ARMC3: variants seen among roughly 807,000 people sequenced by gnomAD.
The protein encoded by ARMC3 is armadillo repeat containing 3, also known as armadillo repeat-containing protein 3.
A neutral mutation model predicts 90.3 loss-of-function variants in ARMC3; 74 were observed. The ratio of observed to expected loss-of-function variants is 0.82; its 90% CI spans 0.68 to 0.99. The LOEUF (loss-of-function observed/expected upper bound fraction) is 0.99, where lower values mean the gene tolerates loss of function less well. Ranked by LOEUF, ARMC3 falls within the 50% of genes least tolerant of loss-of-function variation. ARMC3 has a pLI of 0.00. For synonymous variants in ARMC3, 334 were observed against 361.8 expected (o/e 0.92, Z 0.87); for missense variants, 958 against 1,042.8 (o/e 0.92, Z 1.12).
chr10:22,981,849 CAG>C, intron 10 of ARMC3, 149 bp downstream of exon 10: 1 of 677,688 alleles, frequency 1.5e-6, no homozygotes, highest in Non-Finnish European at 2.4e-6. Flanking sequence ...CCTTATGAAA[CAG>C]AATCATCAGA....
chr10:23,027,615 G>A (rs1838763519), intron 16 of ARMC3, among the ~76,000 whole-genome samples: 1 of 152,152 alleles, frequency 6.6e-6, no homozygotes, highest in East Asian at 1.9e-4. Context: ...ATGTATCTGA[G>A]AGTAGATTTC....
At position 23,032,984 on chromosome 10, in the gene ARMC3, CA is replaced by C. The variant is rs762392615; in HGVS notation, c.2376del (p.Gly793GlufsTer23). The stretch of plus-strand genomic sequence containing the variant: ...CCAATGTTATACCGATTGGACATGT[CA>C]AAAAAGGAATCTTCTACCATCGAGC... ...KSNVIPIGHV[K>X]KGIFYHRALL... On this transcript the variant is annotated frameshift_variant, in exon 18 of 19. Transcript: ENST00000298032. LOFTEE classifies it low-confidence loss of function (END_TRUNC). 3.1e-6 allele frequency: 5 copies of C among 1,612,228 alleles called. No homozygotes were observed. The highest frequency in any genetic ancestry group is 2.5e-6 in the Non-Finnish European group (3 of 1,179,206).
intron 16 of ARMC3, among the ~76,000 whole-genome samples, chr10:23,017,748 A>C (rs562226359): frequency 1.3e-5 from 2 of 152,394 alleles, no homozygotes; most frequent in East Asian, 3.8e-4. Flanking sequence ...CCTGGGCAAC[A>C]GAGCGAGACT....
Position 22,959,428 on chromosome 10 carries a change from CTT to C in ARMC3, c.393_394del (p.Cys132SerfsTer11). On this transcript the variant is annotated frameshift_variant, in exon 6 of 19. Transcript: ENST00000298032. LOFTEE classifies it high-confidence loss of function. ...AGTAGTTATCCATGAGTTTGCTAGTCTTTGTCTAGCAAACATGTCTGCAGAGT... is the reference window on the plus strand; with the variant it reads ...AGTAGTTATCCATGAGTTTGCTAGTCTGTCTAGCAAACATGTCTGCAGAGT... ...EEVVIHEFASLCLANMSAEYT... is the reference protein window; with the variant it reads ...EEVVIHEFASXCLANMSAEYT... The C allele has an allele frequency of 6.2e-7, 1 of 1,607,366 alleles. No homozygotes were observed. The highest frequency in any genetic ancestry group is 8.5e-7 in the Non-Finnish European group (1 of 1,178,542).
rs573659689 is a variant in ARMC3 at position 23,002,047 on chromosome 10, C to T, written c.1554C>T (p.Cys518=). ...AGDELTANEL[C]RLGALDILEE... is the part of the protein sequence containing the mutation. The stretch of plus-strand genomic sequence containing the variant: ...ACGAGCTGACGGCCAATGAATTATG[C>T]AGGCTCGGGTGAGTGGATGCCATCT... Residue 518 remains cysteine, a synonymous_variant, in exon 12 of 19, where the codon TGC becomes TGT. Coordinates refer to ENST00000298032, the MANE Select transcript of ARMC3 (RefSeq NM_173081.5). The T allele has an allele frequency of 3.1e-6, 5 of 1,613,304 alleles. No homozygotes were observed. The Admixed American group carries it at 8.3e-5, about 27-fold the overall frequency.
rs1465673307 is a variant in ARMC3, at chr10:23,006,992, G to T, written c.1829+11G>T. 1 of 1,580,520 alleles carries T rather than the reference G, an allele frequency of 6.3e-7. No homozygotes were observed. The highest frequency in any genetic ancestry group is 8.6e-7 in the Non-Finnish European group (1 of 1,160,214). Reference sequence around the variant, plus strand: ...CAGTAAATCTTACGTGTGAGTCTCTGCAGGGAGAGGGGATGAAGGGAAGCA... The same window carrying T: ...CAGTAAATCTTACGTGTGAGTCTCTTCAGGGAGAGGGGATGAAGGGAAGCA... On this transcript the variant is annotated intron_variant, in intron 14 of 18. Coordinates refer to ENST00000298032, the MANE Select transcript of ARMC3 (RefSeq NM_173081.5).
Position 22,944,158 on chromosome 10 carries a change from C to G in ARMC3, c.49-1986C>G, listed in dbSNP as rs61360783. On this transcript the variant is annotated intron_variant, in intron 2 of 18. Transcript: ENST00000298032. ...CCTGAACATCTGAATGACAACCTAG[C>G]CAGACATAAAATTCCAGAGTCACAA... Among the ~76,000 whole-genome samples, 799 of 152,210 alleles carry G rather than the reference C, an allele frequency of 5.2e-3. 6 individuals are homozygous for G. Among genetic ancestry groups the G allele is most frequent in the African/African-American group, 0.019 (769 of 41,516 alleles).
Position 22,959,285 on chromosome 10 carries a change from G to A in ARMC3, c.362-114G>A, listed in dbSNP as rs1203651331. 2.3e-5 allele frequency: 31 copies of A among 1,333,714 alleles called. No individual in the cohort carries two copies. The East Asian group carries it at 7.1e-4, about 30-fold the overall frequency. The allele number at this position is 1,333,714 out of a possible 1,614,324, so 82.6% of individuals were successfully genotyped here. A position where few individuals can be genotyped will look rare whatever the true frequency, so the allele number is the denominator to read the frequency against. Reference sequence around the variant, plus strand: ...GCTCAATTTTGAGTTTATAAAAGAGGTGAGCTTTAAGCAAGATACAATTTG... The same window carrying A: ...GCTCAATTTTGAGTTTATAAAAGAGATGAGCTTTAAGCAAGATACAATTTG... On this transcript the variant is annotated intron_variant, in intron 5 of 18. Transcript: ENST00000298032.
At chr10:23,007,045 A>G (rs1837651501) in intron 14 of ARMC3, 64 bp downstream of exon 14, 2 of 1,339,602 alleles carry the variant, frequency 1.5e-6, no homozygotes, top group East Asian at 4.7e-5. Context: ...TTGTTTCTCC[A>G]CCAACGTGTG....
chr10:22,961,921 C>T lies in ARMC3; in HGVS notation c.575C>T (p.Ala192Val), dbSNP rs1029397537. ...QCRAKLQELN[A>V]IPPILDLLKS... ...CGAGCTAAACTTCAAGAACTAAATG[C>T]AATACCTCCTATCTTAGATCTCTTG... Residue 192 changes from alanine (A) to valine (V), a missense_variant, in exon 7 of 19, where the codon GCA (alanine) becomes GTA (valine). Transcript: ENST00000298032. 1 of 1,609,504 alleles carries T rather than the reference C, an allele frequency of 6.2e-7. No individual in the cohort carries two copies. Among genetic ancestry groups the T allele is most frequent in the African/African-American group, 1.3e-5 (1 of 74,710 alleles).
At chr10:22,946,406 C>T (rs1359458163) in intron 3 of ARMC3, 145 bp downstream of exon 3, 7 of 530,922 alleles carry the variant, frequency 1.3e-5, no homozygotes, top group South Asian at 2.5e-5. Context: ...TAATGCATTA[C>T]CTAAGAGCAA....
intron 8 of ARMC3, among the ~76,000 whole-genome samples, chr10:22,981,030 A>G (rs1274351417): frequency 6.6e-6 from 1 of 152,222 alleles, no homozygotes; most frequent in Non-Finnish European, 1.5e-5. Flanking sequence ...AACACTGAAT[A>G]CCAGGTCAGG....
intron 7 of ARMC3, among the ~76,000 whole-genome samples, chr10:22,966,943 A>C (rs1835465679): frequency 7.0e-6 from 1 of 142,484 alleles, no homozygotes; most frequent in East Asian, 2.3e-4. Context: ...TCACAATTTG[A>C]GATATTTGGG....
In ARMC3 at chr10:22,932,025, A is replaced by C. The variant is rs781128825; in HGVS notation, c.29A>C (p.Glu10Ala). Residue 10 changes from glutamate (E) to alanine (A), a missense_variant, in exon 2 of 19, where the codon GAG becomes GCG. By Grantham distance (107) the Glu-to-Ala change is moderately radical (BLOSUM62 -1). Coordinates refer to ENST00000298032, the MANE Select transcript of ARMC3 (RefSeq NM_173081.5). MGKKIKKEV[E>A]PPPKDVFDPL... ...GGTAAAAAGATAAAGAAGGAAGTAG[A>C]GCCTCCTCCTAAGGATGTGGTAAGT... The C allele has an allele frequency of 6.2e-7, 1 of 1,604,460 alleles. No homozygotes were observed. Among genetic ancestry groups the C allele is most frequent in the South Asian group, 1.1e-5 (1 of 88,978 alleles).
intron 7 of ARMC3, among the ~76,000 whole-genome samples, chr10:22,965,124 A>G (rs146186803): frequency 6.6e-6 from 1 of 152,198 alleles, no homozygotes; most frequent in Admixed American, 6.5e-5. Flanking sequence ...AGTATTTTAT[A>G]TTTACTCACA....
At chr10:23,029,056 C>T (rs1838821056) in intron 16 of ARMC3, among the ~76,000 whole-genome samples, 1 of 152,110 alleles carries the variant, frequency 6.6e-6, no homozygotes, top group African/African-American at 2.4e-5. Flanking sequence ...ATTTTAGGCT[C>T]TTATAGGATC....
intron 8 of ARMC3, among the ~76,000 whole-genome samples, chr10:22,977,482 T>G (rs1286729678): frequency 6.6e-6 from 1 of 152,218 alleles, no homozygotes; most frequent in Non-Finnish European, 1.5e-5. Flanking sequence ...TACCTTAACA[T>G]CATTCAACCA....
chr10:22,930,909 A>G (rs1223307729), intron 1 of ARMC3, among the ~76,000 whole-genome samples: 1 of 151,764 alleles, frequency 6.6e-6, no homozygotes, highest in Non-Finnish European at 1.5e-5. Flanking sequence ...GGTTATTCTA[A>G]TAGACATTAA....
intron 17 of ARMC3, chr10:23,031,024 T>A: frequency 2.2e-6 from 1 of 460,506 alleles, no homozygotes; most frequent in Non-Finnish European, 3.8e-6. Flanking sequence ...GAAAAATGCC[T>A]GTCATTTTCT....
Sources: gnomAD v4.1 joint callset for allele counts (sites outside exome capture counted in the v4.1 genomes callset) on GRCh38, gnomAD v4.1.1 for gene constraint, MANE v1.5 for transcripts, NCBI Gene and HGNC (gene_info 2026-07-23, HGNC 2026-07-21) for gene names.